DACH1: variants seen among roughly 807,000 people sequenced by gnomAD.
DACH1 encodes the protein dachshund family transcription factor 1, also known as dachshund homolog 1.
DACH1 carries 12 observed loss-of-function variants against 54.2 expected under a neutral mutation model. The observed-to-expected ratio is 0.22, with a 90% CI of 0.14 to 0.36. The LOEUF (loss-of-function observed/expected upper bound fraction) is 0.36. Ranked by LOEUF, DACH1 falls within the 10% of genes least tolerant of loss-of-function variation. DACH1 has a pLI of 1.00. For missense variants in DACH1, 805 were observed against 929.8 expected (o/e 0.87, Z 1.75); for synonymous variants, 386 against 366.2 (o/e 1.05, Z -0.62).
intron 1 of DACH1, among the ~76,000 whole-genome samples, chr13:71,836,404 TAA>T (rs1171079086): frequency 6.6e-5 from 10 of 152,090 alleles, no homozygotes; most frequent in Admixed American, 6.6e-4. Flanking sequence ...ACGAGTAAGC[TAA>T]GACTCACAGA....
intron 1 of DACH1, among the ~76,000 whole-genome samples, chr13:71,730,566 ATT>A (rs1015516358): frequency 3.3e-5 from 5 of 152,128 alleles, no homozygotes; most frequent in Non-Finnish European, 7.4e-5. Context: ...TCCTTTATAT[ATT>A]GTGTGAGCAT....
intron 3 of DACH1, among the ~76,000 whole-genome samples, chr13:71,578,382 T>C (rs1011814365): frequency 3.3e-5 from 5 of 152,154 alleles, no homozygotes; most frequent in African/African-American, 4.8e-5. Context: ...AAAGTAAATA[T>C]TAGTCACAGG....
At chr13:71,723,724 T>C (rs1883343340) in intron 1 of DACH1, among the ~76,000 whole-genome samples, 1 of 152,206 alleles carries the variant, frequency 6.6e-6, no homozygotes, top group Non-Finnish European at 1.5e-5. Flanking sequence ...AGAGTCTCAC[T>C]GCCTTTTCCA....
At chr13:71,648,545 T>A (rs1878459222) in intron 2 of DACH1, among the ~76,000 whole-genome samples, 1 of 152,054 alleles carries the variant, frequency 6.6e-6, no homozygotes, top group African/African-American at 2.4e-5. Context: ...AATAATTAAT[T>A]AAAAGTTTAA....
chr13:71,725,764 T>C (rs1363021013), intron 1 of DACH1, among the ~76,000 whole-genome samples: 1 of 152,102 alleles, frequency 6.6e-6, no homozygotes, highest in Non-Finnish European at 1.5e-5. Context: ...GTTTGGATAT[T>C]GCTCTGAAAA....
chr13:71,801,651 A>T (rs1211509054), intron 1 of DACH1, among the ~76,000 whole-genome samples: 3 of 152,170 alleles, frequency 2.0e-5, no homozygotes, highest in African/African-American at 7.2e-5. Context: ...TATGAAATAC[A>T]GAGCATTTCT....
At chr13:71,519,883 G>GTATA (rs57190375) in intron 6 of DACH1, among the ~76,000 whole-genome samples, 491 of 29,360 alleles carry the variant, frequency 0.017, 69 homozygotes, top group Admixed American at 0.073. Flanking sequence ...AACCAAAGTA[G>GTATA]TATATATATA....
At chr13:71,865,892 G>A (rs1466534228) in intron 1 of DACH1, 30 bp downstream of exon 1, 2 of 1,552,158 alleles carry the variant, frequency 1.3e-6, no homozygotes, top group African/African-American at 1.4e-5. Flanking sequence ...GAAGGGGCGC[G>A]GGCGGCGGGG....
In DACH1 at chr13:71,443,458, A is replaced by G. The variant is rs1593701215; in HGVS notation, c.2084-2766T>C. Among the ~76,000 whole-genome samples the G allele has an allele frequency of 2.0e-5, 3 of 152,238 alleles. No homozygotes were observed. In the South Asian group the frequency reaches 6.2e-4, roughly 32 times the overall value. ...AAAAATAATAGTTATAAATGAAAAA[A>G]TAAAAAAGAAATACCCTTAGCTTTT... is the stretch of plus-strand genomic sequence containing the variant. On this transcript the variant is annotated intron_variant, in intron 10 of 10. Coordinates refer to ENST00000613252, the MANE Select transcript of DACH1 (RefSeq NM_080759.6).
intron 4 of DACH1, among the ~76,000 whole-genome samples, chr13:71,566,886 T>C (rs1490006810): frequency 1.3e-5 from 2 of 152,144 alleles, no homozygotes; most frequent in Non-Finnish European, 2.9e-5. Flanking sequence ...GTACAAAGAA[T>C]AAACTATTCT....
chr13:71,766,115 T>C (rs1250876055), intron 1 of DACH1, among the ~76,000 whole-genome samples: 1 of 152,056 alleles, frequency 6.6e-6, no homozygotes, highest in Non-Finnish European at 1.5e-5. Flanking sequence ...CTCGGTCTCC[T>C]GACCTCGTGA....
intron 6 of DACH1, among the ~76,000 whole-genome samples, chr13:71,522,248 C>T (rs1447799700): frequency 6.6e-6 from 1 of 152,024 alleles, no homozygotes; most frequent in African/African-American, 2.4e-5. Flanking sequence ...GCAATGAGAA[C>T]ACCTCAGAAG....
chr13:71,608,092 C>T (rs78863721), intron 3 of DACH1, among the ~76,000 whole-genome samples: 4,637 of 151,638 alleles, frequency 0.031, 195 homozygotes, highest in Admixed American at 0.078. Flanking sequence ...GGGTAAGATA[C>T]ACATCCTCAT....
chr13:71,817,661 C>T (rs1243071477), intron 1 of DACH1, among the ~76,000 whole-genome samples: 1 of 152,038 alleles, frequency 6.6e-6, no homozygotes, highest in African/African-American at 2.4e-5. Context: ...TAAAACATCT[C>T]ATTGAATATT....
chr13:71,791,552 T>C (rs557274859), intron 1 of DACH1, among the ~76,000 whole-genome samples: 155 of 152,184 alleles, frequency 1.0e-3, no homozygotes, highest in African/African-American at 3.6e-3. Context: ...AGCTAATTTT[T>C]TGTGTATTTT....
At chr13:71,810,265 C>T (rs1887661454) in intron 1 of DACH1, among the ~76,000 whole-genome samples, 1 of 152,102 alleles carries the variant, frequency 6.6e-6, no homozygotes, top group Admixed American at 6.6e-5. Flanking sequence ...GGTTAAATAG[C>T]ATGAATGAGG....
At chr13:71,754,115 A>T (rs115347960) in intron 1 of DACH1, among the ~76,000 whole-genome samples, 2 of 151,810 alleles carry the variant, frequency 1.3e-5, no homozygotes, top group Non-Finnish European at 1.5e-5. Flanking sequence ...TCTTTTTTTC[A>T]TATCCTGTTT....
intron 1 of DACH1, among the ~76,000 whole-genome samples, chr13:71,791,998 A>G (rs886541268): frequency 6.6e-6 from 1 of 152,138 alleles, no homozygotes; most frequent in African/African-American, 2.4e-5. Flanking sequence ...CTCTAACTGT[A>G]TCACTCATTT....
intron 4 of DACH1, among the ~76,000 whole-genome samples, chr13:71,570,368 C>T (rs1333023381): frequency 1.3e-5 from 2 of 151,624 alleles, no homozygotes; most frequent in East Asian, 1.9e-4. Context: ...TGGCCTGTCT[C>T]ACAAAATAAT....
Sources: gnomAD v4.1 joint callset for allele counts (sites outside exome capture counted in the v4.1 genomes callset) on GRCh38, gnomAD v4.1.1 for gene constraint, MANE v1.5 for transcripts, NCBI Gene and HGNC (gene_info 2026-07-23, HGNC 2026-07-21) for gene names.